Variants in PLEKHG5 observed in about 807,000 individuals in gnomAD.
PLEKHG5 encodes pleckstrin homology and RhoGEF domain containing G5.
Under a neutral mutation model 103.8 loss-of-function variants are expected in PLEKHG5, and 52 were observed. That is an observed-to-expected ratio of 0.50 (90% CI 0.40 to 0.63). The LOEUF (loss-of-function observed/expected upper bound fraction) is 0.63, where lower values mean the gene tolerates loss of function less well. Ranked by LOEUF, PLEKHG5 falls within the 30% of genes least tolerant of loss-of-function variation. The probability of loss-of-function intolerance (pLI) is 0.00; values close to 1 mark genes in which losing one functional copy is unlikely to be tolerated. For synonymous variants in PLEKHG5, 592 were observed against 575.5 expected (o/e 1.03, Z -0.41); for missense variants, 1,205 against 1,347.6 (o/e 0.89, Z 1.66).
chr1:6,478,190 T>A (rs1337263037), intron 1 of PLEKHG5, among the ~76,000 whole-genome samples: 1 of 151,996 alleles, frequency 6.6e-6, no homozygotes, highest in Non-Finnish European at 1.5e-5. Flanking sequence ...GGCTTCTCCA[T>A]CTTTTTTTTT....
At chr1:6,485,259 G>T in intron 1 of PLEKHG5, 1 of 1,114,254 alleles carries the variant, frequency 9.0e-7, no homozygotes, top group East Asian at 3.2e-5. Context: ...TCCCGCACAG[G>T]ACTGGGCGGC....
chr1:6,484,672 C>A (rs1644982269), intron 1 of PLEKHG5, among the ~76,000 whole-genome samples: 1 of 152,158 alleles, frequency 6.6e-6, no homozygotes, highest in Admixed American at 6.5e-5. Context: ...AGACTCCAGC[C>A]CCTTCTCTCA....
In PLEKHG5 at chr1:6,471,518, C is replaced by A. The variant is rs568915094; in HGVS notation, c.1251G>T (p.Gln417His). 24 of 1,610,598 alleles carry A rather than the reference C, an allele frequency of 1.5e-5. 1 individual carries two copies. The South Asian group carries it at 2.4e-4, about 16-fold the overall frequency. Residue 417 changes from glutamine to histidine, a missense_variant, in exon 12 of 21, where the codon CAG (glutamine) becomes CAT (histidine). Physicochemically the swap from Gln to His is conservative, Grantham distance 24. Coordinates refer to ENST00000377728, the MANE Select transcript of PLEKHG5 (RefSeq NM_020631.6). ...EKARRTRALL[Q>H]PGDFLKGFKM... ...TGAAGCCTTTGAGGAAGTCCCCGGG[C>A]TGTAGCAGCGCTCGCGTGCGCCGCG...
chr1:6,488,903 C>T (rs969539516), intron 1 of PLEKHG5, among the ~76,000 whole-genome samples: 2 of 152,082 alleles, frequency 1.3e-5, no homozygotes, highest in Non-Finnish European at 2.9e-5. Context: ...CCCCCGCACC[C>T]GGCTGTTCTC....
At chr1:6,492,317 T>A (rs1322545781), upstream of PLEKHG5, among the ~76,000 whole-genome samples, 1 of 152,148 alleles carries the variant, frequency 6.6e-6, no homozygotes, top group African/African-American at 2.4e-5. Context: ...TGCCCCCTTG[T>A]GACCTGGGAC....
At chr1:6,481,258 G>A (rs887998115) in intron 1 of PLEKHG5, among the ~76,000 whole-genome samples, 5 of 152,132 alleles carry the variant, frequency 3.3e-5, no homozygotes, top group Admixed American at 1.3e-4. Flanking sequence ...GGGGCCAGGA[G>A]CAGTGGCTAT....
chr1:6,513,943 G>GTAACTC (rs1283431842), intron 1 of PLEKHG5, among the ~76,000 whole-genome samples: 1 of 152,224 alleles, frequency 6.6e-6, no homozygotes, highest in East Asian at 1.9e-4. Flanking sequence ...ACCCATCTTG[G>GTAACTC]CATTACAGAG....
At chr1:6,484,160 C>T (rs1363615197) in intron 1 of PLEKHG5, among the ~76,000 whole-genome samples, 1 of 152,182 alleles carries the variant, frequency 6.6e-6, no homozygotes, top group Non-Finnish European at 1.5e-5. Context: ...GATTTGATAC[C>T]CTGATTCGCT....
intron 1 of PLEKHG5, among the ~76,000 whole-genome samples, chr1:6,488,904 G>A (rs1475990712): frequency 1.3e-5 from 2 of 152,056 alleles, no homozygotes; most frequent in Non-Finnish European, 2.9e-5. Context: ...CCCCGCACCC[G>A]GCTGTTCTCC....
chr1:6,492,251 C>T (rs1471976398), upstream of PLEKHG5, among the ~76,000 whole-genome samples: 6 of 152,172 alleles, frequency 3.9e-5, no homozygotes, highest in Non-Finnish European at 7.4e-5. Context: ...GATAAACACC[C>T]TCACATGTGG....
chr1:6,485,495 C>A, intron 1 of PLEKHG5: 1 of 1,239,818 alleles, frequency 8.1e-7, no homozygotes, highest in East Asian at 3.2e-5. Flanking sequence ...AAGCGCGGAG[C>A]CCCGCTTCCT....
At chr1:6,485,840 G>A (rs1645023652) in intron 1 of PLEKHG5, 44 of 976,648 alleles carry the variant, frequency 4.5e-5, no homozygotes, top group Non-Finnish European at 5.3e-5. Flanking sequence ...CCCCACCTCT[G>A]CGCCTCTGCG....
chr1:6,470,074 G>A (rs1346014791), intron 16 of PLEKHG5, among the ~76,000 whole-genome samples, 162 bp downstream of exon 16: 1 of 152,200 alleles, frequency 6.6e-6, no homozygotes, highest in African/African-American at 2.4e-5. Flanking sequence ...GGACCCTACT[G>A]CTGGATTTGT....
Position 6,491,509 on chromosome 1 carries a change from C to G in PLEKHG5, c.-88+128G>C, listed in dbSNP as rs1345859882. The G allele has an allele frequency of 3.9e-6, 1 of 256,632 alleles. No homozygotes were observed. Among genetic ancestry groups the G allele is most frequent in the Non-Finnish European group, 6.1e-6 (1 of 164,352 alleles). 15.9% of individuals were successfully genotyped at this position (256,632 alleles called of 1,614,324 possible). A position where few individuals can be genotyped will look rare whatever the true frequency, so the allele number is the denominator to read the frequency against. ...TCAGCTGCAGATAGCCCCACCACCT[C>G]TCTCCGGGGACCAGTCACTTCCAGA... On this transcript the variant is annotated intron_variant, in intron 1 of 20. Coordinates refer to ENST00000377728, the MANE Select transcript of PLEKHG5 (RefSeq NM_020631.6). This position sits in a 1 kb window ranked among gnomAD's most constrained non-coding sequence, Gnocchi z 4.1.
chr1:6,472,467 G>T (rs1644620550), intron 10 of PLEKHG5, 60 bp downstream of exon 10: 27 of 1,187,794 alleles, frequency 2.3e-5, no homozygotes, highest in Non-Finnish European at 3.3e-5. Context: ...AGACTCAGCT[G>T]AGGGCTGTCA....
intron 1 of PLEKHG5, chr1:6,485,399 C>A: frequency 7.3e-7 from 1 of 1,374,150 alleles, no homozygotes. Context: ...CCGGGCCCGG[C>A]CTGGAGGCTG....
At chr1:6,514,839 A>G (rs1638571673) in intron 1 of PLEKHG5, among the ~76,000 whole-genome samples, 1 of 151,938 alleles carries the variant, frequency 6.6e-6, no homozygotes, top group Non-Finnish European at 1.5e-5. Flanking sequence ...AGGCTGAGGC[A>G]GGTAGATCAC....
rs1557742282 is a variant in PLEKHG5, at chr1:6,471,639, TG to T, written c.1132-3del. 3.2e-6 allele frequency: 5 copies of T among 1,581,944 alleles called. No homozygotes were observed. Among genetic ancestry groups the T allele is most frequent in the Non-Finnish European group, 4.3e-6 (5 of 1,164,758 alleles). ...GCTGAACAGGCGCTCCGCCTCCACC[TG>T]GGCGCGGCGGGAGGTGCGGTTGGCC... On this transcript the variant is annotated splice_polypyrimidine_tract_variant and splice_region_variant and intron_variant, in intron 11 of 20. Transcript: ENST00000377728.
chr1:6,475,467 T>C lies in PLEKHG5; in HGVS notation c.205A>G (p.Thr69Ala), dbSNP rs745595615. ...LSKKKARRRH[T>A]DDPSKECFTL... ...GGCTCTGGGGGGCTCCTCACATCCGTGTGTCTCCTCCTTGCTTTCTTCTTG... is the reference window on the plus strand; with the variant it reads ...GGCTCTGGGGGGCTCCTCACATCCGCGTGTCTCCTCCTTGCTTTCTTCTTG... Residue 69 changes from threonine to alanine, a missense_variant, in exon 4 of 21, where the codon ACG (threonine) becomes GCG (alanine). Transcript: ENST00000377728. 1 of 1,612,892 alleles carries C rather than the reference T, an allele frequency of 6.2e-7. No homozygotes were observed. Among genetic ancestry groups the C allele is most frequent in the Admixed American group, 1.7e-5 (1 of 59,964 alleles).
Sources: gnomAD v4.1 joint callset for allele counts (sites outside exome capture counted in the v4.1 genomes callset) on GRCh38, gnomAD v4.1.1 for gene constraint, Gnocchi (gnomAD v3.1) non-coding constraint, MANE v1.5 for transcripts, NCBI Gene and HGNC (gene_info 2026-07-23, HGNC 2026-07-21) for gene names.